ATAD2: variants seen among roughly 807,000 people sequenced by gnomAD.
ATAD2 encodes the protein ATPase family AAA domain containing 2, also known as ATPase family AAA domain-containing protein 2.
A neutral mutation model predicts 168.9 loss-of-function variants in ATAD2; 62 were observed. The ratio of observed to expected loss-of-function variants is 0.37; its 90% confidence interval spans 0.30 to 0.45. The LOEUF (loss-of-function observed/expected upper bound fraction) is 0.45, where lower values mean the gene tolerates loss of function less well. Among genes scored for constraint, ATAD2 ranks in the 20% least tolerant of loss-of-function variants. The pLI, the probability that ATAD2 is intolerant of heterozygous loss-of-function variation, is 1.00. For synonymous variants in ATAD2, 613 were observed against 571.6 expected (o/e 1.07, Z -1.03); for missense variants, 1,419 against 1,667.8 (o/e 0.85, Z 2.60).
At chr8:123,324,025 C>T (rs1022583014) in intron 26 of ATAD2, among the ~76,000 whole-genome samples, 13 of 152,146 alleles carry the variant, frequency 8.5e-5, no homozygotes, top group Non-Finnish European at 4.4e-5. Context: ...CAACATAACA[C>T]GGTGAACTTA....
intron 1 of ATAD2, among the ~76,000 whole-genome samples, chr8:123,410,295 A>AT (rs1482176430): frequency 2.0e-5 from 3 of 151,798 alleles, no homozygotes; most frequent in Non-Finnish European, 4.4e-5. Context: ...TTATTTATTT[A>AT]TTTATTTATT....
In ATAD2 at chr8:123,372,662, A is replaced by G. The variant is rs754378696; in HGVS notation, c.345T>C (p.Asp115=). The change falls in exon 3 of 28, where the codon GAT becomes GAC. Residue 115 remains aspartate (D), a synonymous_variant. Coordinates refer to ENST00000287394, the MANE Select transcript of ATAD2 (RefSeq NM_014109.4). ...FTRQLARQQA[D]KKKEEHREDK... ...CTTCTCTGTGCTCTTCTTTTTTTTT[A>G]TCAGCCTGCTGTCTGGCCAACTGCC... 1.8e-5 allele frequency: 28 copies of G among 1,589,282 alleles called. No individual in the cohort carries two copies. Among genetic ancestry groups the G allele is most frequent in the Non-Finnish European group, 2.3e-5 (27 of 1,169,604 alleles).
At position 123,371,360 on chromosome 8, in the gene ATAD2, G is replaced by A. The variant is rs772719753; in HGVS notation, c.537-22C>T. On this transcript the variant is annotated intron_variant, in intron 4 of 27. Coordinates refer to ENST00000287394, the MANE Select transcript of ATAD2 (RefSeq NM_014109.4). ...AGTGCTTTAAAAAAAAGATATAAAT[G>A]TAAGTGAAAATTGTAAAAGAGTAGC... is the stretch of plus-strand genomic sequence containing the variant. The A allele has an allele frequency of 2.8e-5, 43 of 1,547,026 alleles. No individual in the cohort carries two copies. The South Asian group carries it at 4.8e-4, about 17-fold the overall frequency.
In ATAD2 at chr8:123,328,450, T is replaced by G. The variant is rs1351256023; in HGVS notation, c.3608A>C (p.Glu1203Ala). ...AIDHKIESDT[E>A]ETQDTSVDHN... The stretch of plus-strand genomic sequence containing the variant: ...ATCTACACTTGTGTCTTGAGTTTCC[T>G]CTGTATCACTCTCAATTTTGTGATC... The change falls in exon 25 of 28, where the codon GAG becomes GCG. Residue 1203 changes from glutamate to alanine, a missense_variant. By Grantham distance (107) the Glu-to-Ala change is moderately radical (BLOSUM62 -1). This residue lies in a region of ATAD2 where 303 missense variants were observed against 304.3 expected (regional missense o/e 1.00). Coordinates refer to ENST00000287394, the MANE Select transcript of ATAD2 (RefSeq NM_014109.4). 3.7e-6 allele frequency: 6 copies of G among 1,610,426 alleles called. No homozygotes were observed. The highest frequency in any genetic ancestry group is 1.6e-4 in the Middle Eastern group (1 of 6,082).
chr8:123,369,723 T>C, intron 7 of ATAD2, 98 bp downstream of exon 7: 2 of 1,067,952 alleles, frequency 1.9e-6, no homozygotes, highest in South Asian at 1.6e-5. Flanking sequence ...AAAATGAAAA[T>C]ATGAAAAATA....
intron 8 of ATAD2, among the ~76,000 whole-genome samples, chr8:123,364,216 TA>T (rs550049101): frequency 4.1e-5 from 6 of 148,106 alleles, no homozygotes; most frequent in African/African-American, 7.4e-5. Flanking sequence ...ACTTTACAGA[TA>T]AAAAAAAAAC....
At chr8:123,374,130 CAA>C (rs1554646246) in intron 2 of ATAD2, among the ~76,000 whole-genome samples, 3 of 152,080 alleles carry the variant, frequency 2.0e-5, no homozygotes, top group Non-Finnish European at 2.9e-5. Flanking sequence ...TTTGGGAGGC[CAA>C]GAGTTCAAGA....
At chr8:123,323,854 T>C (rs763531049) in intron 26 of ATAD2, among the ~76,000 whole-genome samples, 5 of 152,212 alleles carry the variant, frequency 3.3e-5, no homozygotes, top group Non-Finnish European at 5.9e-5. Flanking sequence ...TACTATTACA[T>C]AGTCTATTTT....
chr8:123,369,765 G>A, intron 7 of ATAD2, 56 bp downstream of exon 7: 2 of 1,397,122 alleles, frequency 1.4e-6, no homozygotes, highest in Non-Finnish European at 2.0e-6. Flanking sequence ...AGAAGAAACA[G>A]GAAATATAAA....
At chr8:123,410,948 A>G (rs940455082) in intron 1 of ATAD2, among the ~76,000 whole-genome samples, 1 of 152,196 alleles carries the variant, frequency 6.6e-6, no homozygotes, top group Non-Finnish European at 1.5e-5. Context: ...GCTGAACACT[A>G]GTCACTGGGT....
chr8:123,401,242 G>T, upstream of ATAD2: 1 of 921,178 alleles, frequency 1.1e-6, no homozygotes. Flanking sequence ...GGCCATCATT[G>T]CCCTCACCGA....
chr8:123,396,494 T>G, upstream of ATAD2: 1 of 885,848 alleles, frequency 1.1e-6, no homozygotes, highest in Non-Finnish European at 1.7e-6. Context: ...GCGCCCAGAA[T>G]CCCTCCGCCG....
At chr8:123,385,558 A>T (rs1829623028) in intron 1 of ATAD2, among the ~76,000 whole-genome samples, 1 of 152,184 alleles carries the variant, frequency 6.6e-6, no homozygotes, top group Admixed American at 6.5e-5. Flanking sequence ...CTAAAAAACA[A>T]TTTAGGAACT....
At chr8:123,385,794 C>T (rs891179778) in intron 1 of ATAD2, among the ~76,000 whole-genome samples, 2 of 151,768 alleles carry the variant, frequency 1.3e-5, no homozygotes, top group Admixed American at 6.6e-5. Context: ...CACACACACA[C>T]ATATATACAC....
intron 24 of ATAD2, among the ~76,000 whole-genome samples, chr8:123,330,146 G>A (rs1395679310): frequency 6.6e-6 from 1 of 151,816 alleles, no homozygotes; most frequent in African/African-American, 2.4e-5. Context: ...GTGCCACCAT[G>A]CCTGGCCAGT....
Position 123,402,644 on chromosome 8 carries a change from T to C in ATAD2, c.-2281-1469A>G, listed in dbSNP as rs764252215. On this transcript the variant is annotated intron_variant, in intron 1 of 28. Transcript: ENST00000521903. The surrounding 1 kb of genome is among the most constrained non-coding windows in gnomAD (Gnocchi z 4.8). ...CTGTCCCTGGCCCTGGGGAGAAGGC[T>C]GCTCTGGTCATGGCTGCCTGCCCCT... is the stretch of plus-strand genomic sequence containing the variant. Among the ~76,000 whole-genome samples, 1 of 152,174 alleles carries C rather than the reference T, an allele frequency of 6.6e-6. No homozygotes were observed. The highest frequency in any genetic ancestry group is 1.5e-5 in the Non-Finnish European group (1 of 68,028).
chr8:123,353,263 C>T (rs1185734928), intron 13 of ATAD2, among the ~76,000 whole-genome samples: 1 of 151,664 alleles, frequency 6.6e-6, no homozygotes, highest in Non-Finnish European at 1.5e-5. Flanking sequence ...ACTGGGGAGG[C>T]TGAGGCACGA....
chr8:123,397,240 C>CAAAAAAAA (rs71310670), upstream of ATAD2, among the ~76,000 whole-genome samples: 3 of 40,024 alleles, frequency 7.5e-5, no homozygotes, highest in Admixed American at 3.4e-4. Context: ...GACTCTGTCT[C>CAAAAAAAA]AAAAAAAAAA....
At chr8:123,413,030 A>ACTTAGAG (rs1426219250) in intron 1 of ATAD2, among the ~76,000 whole-genome samples, 3 of 152,234 alleles carry the variant, frequency 2.0e-5, no homozygotes, top group African/African-American at 7.2e-5. Flanking sequence ...TACAACTCAG[A>ACTTAGAG]AGTCCTTCTC....
Sources: gnomAD v4.1 joint callset for allele counts (sites outside exome capture counted in the v4.1 genomes callset) on GRCh38, gnomAD v4.1.1 for gene constraint, gnomAD v4.1.1 regional missense constraint, Gnocchi (gnomAD v3.1) non-coding constraint, MANE v1.5 for transcripts, NCBI Gene and HGNC (gene_info 2026-07-23, HGNC 2026-07-21) for gene names.